Variants in CFAP92 observed in about 807,000 individuals in gnomAD.
CFAP92 encodes cilia and flagella associated protein 92 (putative).
In CFAP92, 86 loss-of-function variants were observed where a neutral mutation model predicts 106.3. The observed-to-expected ratio is 0.81, with a 90% confidence interval of 0.68 to 0.97. The LOEUF (loss-of-function observed/expected upper bound fraction) is 0.97, where lower values mean the gene tolerates loss of function less well. CFAP92 is among the 50% of genes least tolerant of loss of function. CFAP92 has a pLI of 0.00. For missense variants in CFAP92, 1,204 were observed against 1,283.8 expected (o/e 0.94, Z 0.95); for synonymous variants, 477 against 506.4 (o/e 0.94, Z 0.78).
chr3:128,942,075 C>G (rs1022728856), intron 10 of CFAP92, among the ~76,000 whole-genome samples: 1 of 152,178 alleles, frequency 6.6e-6, no homozygotes, highest in Non-Finnish European at 1.5e-5. Flanking sequence ...TCCCCAAGAC[C>G]GCCCTTACTT....
At chr3:128,994,172 G>GC (rs1273887947), upstream of CFAP92, 1 of 984,346 alleles carries the variant, frequency 1.0e-6, no homozygotes, top group African/African-American at 1.7e-5. Context: ...CGGCCTGGGG[G>GC]CGGGGCTCCG....
rs1275408395 is a variant in CFAP92 at position 128,955,616 on chromosome 3, C to T, written c.1354-9641G>A. ...GAGGTGAGGGGCGCCTCTGCCCGGCCGCCCCTACTGGGAAGTGAGGAGCCC... is the reference window on the plus strand; with the variant it reads ...GAGGTGAGGGGCGCCTCTGCCCGGCTGCCCCTACTGGGAAGTGAGGAGCCC... On this transcript the variant is annotated intron_variant, in intron 9 of 15. Coordinates refer to ENST00000645291, the MANE Select transcript of CFAP92 (RefSeq NM_001394090.1). Among the ~76,000 whole-genome samples, 8 of 48,960 alleles carry T rather than the reference C, an allele frequency of 1.6e-4. 1 individual carries two copies. In the South Asian group the frequency reaches 5.6e-3, roughly 35 times the overall value. The allele number at this position is 48,960 out of a possible 152,430, so 32.1% of individuals were successfully genotyped here.
intron 9 of CFAP92, among the ~76,000 whole-genome samples, chr3:128,950,840 G>T (rs1940709189): frequency 6.6e-6 from 1 of 152,136 alleles, no homozygotes; most frequent in Admixed American, 6.5e-5. Context: ...GCCTCCCAAA[G>T]GGAAAGCAGG....
At chr3:129,025,372 G>A in the CFAP92 span, among the ~76,000 whole-genome samples, 10 of 152,134 alleles carry the variant, frequency 6.6e-5, no homozygotes, top group Admixed American at 1.3e-4. Context: ...CGGAAGCCAC[G>A]GGAAGAGTGT....
rs2107677231 is a variant in CFAP92, at chr3:128,915,286, G to A, written c.3124-11C>T. The A allele has an allele frequency of 2.0e-6, 3 of 1,536,082 alleles. No individual in the cohort carries two copies. Among genetic ancestry groups the A allele is most frequent in the Admixed American group, 3.9e-5 (2 of 51,004 alleles). On this transcript the variant is annotated splice_polypyrimidine_tract_variant and intron_variant, in intron 14 of 15. Transcript: ENST00000645291. ...GTTTTCCTTCCACTCCTAAATTGGG[G>A]GAGTAAGTAAATCAGGAGGAGAAAG... is the stretch of plus-strand genomic sequence containing the variant.
chr3:128,943,699 G>C lies in CFAP92; in HGVS notation c.2258+1372C>G, dbSNP rs551703508. ...TACAGGCACGTGCCACCATGCCTGG[G>C]TAAGTTTTTCTATTTTTAGTAGAGA... On this transcript the variant is annotated intron_variant, in intron 10 of 15. Transcript: ENST00000645291. Among the ~76,000 whole-genome samples the C allele has an allele frequency of 1.1e-3, 168 of 150,978 alleles. 1 individual carries two copies. Among genetic ancestry groups the C allele is most frequent in the African/African-American group, 4.0e-3 (165 of 41,150 alleles).
At chr3:128,996,886 T>C (rs1241557311), upstream of CFAP92, among the ~76,000 whole-genome samples, 1 of 152,208 alleles carries the variant, frequency 6.6e-6, no homozygotes, top group African/African-American at 2.4e-5. Flanking sequence ...AGCTTCCTTC[T>C]ATGTGGTGCC....
At chr3:129,002,153 C>A in intron 1 of CFAP92, 1 of 1,470,624 alleles carries the variant, frequency 6.8e-7, no homozygotes, top group Non-Finnish European at 8.9e-7. Flanking sequence ...CGCAGATCCG[C>A]CTGCGCCGTC....
chr3:129,024,424 G>A, the CFAP92 span, among the ~76,000 whole-genome samples: 5 of 151,938 alleles, frequency 3.3e-5, no homozygotes, highest in African/African-American at 9.7e-5. Flanking sequence ...CCAACTACTC[G>A]GGAGGCTGAG....
At chr3:128,911,939 C>T (rs184391361) in intron 15 of CFAP92, among the ~76,000 whole-genome samples, 1 of 152,328 alleles carries the variant, frequency 6.6e-6, no homozygotes, top group Admixed American at 6.5e-5. Flanking sequence ...GCTCTGTCTG[C>T]AGTGCTCTTC....
chr3:128,945,618 CA>C lies in CFAP92; in HGVS notation c.1710del (p.Phe570LeufsTer11), dbSNP rs771026030. 3.3e-6 allele frequency: 5 copies of C among 1,536,028 alleles called. No homozygotes were observed. The South Asian group carries it at 5.9e-5, about 18-fold the overall frequency. Reference sequence around the variant, plus strand: ...TACTTGTGGCCAAGGAGGAGGTCAGCAAAACTGACCTGGGCGATGCCATAAG... The same window carrying C: ...TACTTGTGGCCAAGGAGGAGGTCAGCAAACTGACCTGGGCGATGCCATAAG... ...WYPYGIAQVSFADLLLGHKYL... is the reference protein window; with the variant it reads ...WYPYGIAQVSXADLLLGHKYL... On this transcript the variant is annotated frameshift_variant, in exon 10 of 16. Transcript: ENST00000645291. LOFTEE classifies it high-confidence loss of function.
upstream of CFAP92, chr3:129,003,354 A>G (rs1260997513): frequency 1.1e-6 from 1 of 902,584 alleles, no homozygotes; most frequent in Non-Finnish European, 1.3e-6. Flanking sequence ...CAGTAAAGAC[A>G]GATAGAAACC....
chr3:128,922,918 CAAG>C (rs895529940), intron 12 of CFAP92, among the ~76,000 whole-genome samples: 4 of 152,212 alleles, frequency 2.6e-5, no homozygotes, highest in Admixed American at 1.3e-4. Context: ...TACTGTTGCA[CAAG>C]AAGGATAAGC....
chr3:129,021,641 ATCTG>A, the CFAP92 span, among the ~76,000 whole-genome samples: 18 of 152,350 alleles, frequency 1.2e-4, no homozygotes, highest in African/African-American at 3.6e-4. Flanking sequence ...CTGCGCGGGT[ATCTG>A]TCTATTTATC....
At chr3:128,940,385 T>C (rs1191682906) in intron 10 of CFAP92, among the ~76,000 whole-genome samples, 1 of 152,192 alleles carries the variant, frequency 6.6e-6, no homozygotes, top group Admixed American at 6.5e-5. Flanking sequence ...ACTCTGTGTT[T>C]AATCACTTGA....
At chr3:129,006,871 C>A (rs1339468620), upstream of CFAP92, among the ~76,000 whole-genome samples, 1 of 152,092 alleles carries the variant, frequency 6.6e-6, no homozygotes, top group Non-Finnish European at 1.5e-5. Context: ...GTGGACTGAC[C>A]TGCCCCAAAG....
At chr3:128,943,696 TG>T (rs1294627149) in intron 10 of CFAP92, among the ~76,000 whole-genome samples, 1 of 151,762 alleles carries the variant, frequency 6.6e-6, no homozygotes. Flanking sequence ...CCACCATGCC[TG>T]GGTAAGTTTT....
chr3:129,002,000 T>C (rs1179865997), intron 1 of CFAP92: 9 of 1,545,894 alleles, frequency 5.8e-6, no homozygotes, highest in African/African-American at 1.4e-5. Context: ...GGGACTCAGA[T>C]ACCGATGAAG....
In CFAP92 at chr3:128,945,257, T is replaced by C. The variant is rs1409343553; in HGVS notation, c.2072A>G (p.Asp691Gly). ...TMINAKALGL[D>G]SYPVRTLQQI... The stretch of plus-strand genomic sequence containing the variant: ...CTGCAGGGTCCTGACAGGGTAGGAG[T>C]CCAGGCCGAGGGCCTTAGCGTTGAT... The change falls in exon 10 of 16, where the codon GAC becomes GGC. Residue 691 changes from aspartate to glycine, a missense_variant. Asp to Gly is a moderately conservative substitution (Grantham distance 94). Transcript: ENST00000645291. 2 of 1,535,604 alleles carry C rather than the reference T, an allele frequency of 1.3e-6. No individual in the cohort carries two copies. The highest frequency in any genetic ancestry group is 2.7e-5 in the African/African-American group (2 of 72,874).
Sources: allele counts gnomAD v4.1 joint callset (sites outside exome capture counted in the v4.1 genomes callset), GRCh38; gene constraint gnomAD v4.1.1; transcripts MANE v1.5; gene names NCBI Gene and HGNC (gene_info 2026-07-23, HGNC 2026-07-21).